Variants in ARSB observed in about 807,000 individuals in gnomAD.
The protein encoded by ARSB is N-acetylgalactosamine-4-sulfatase.
Under a neutral mutation model 50.9 loss-of-function variants are expected in ARSB, and 41 were observed. The ratio of observed to expected loss-of-function variants is 0.81; its 90% CI spans 0.63 to 1.04. The LOEUF is 1.04. Ranked by LOEUF, ARSB falls within the 50% of genes least tolerant of loss-of-function variation. ARSB has a pLI of 0.00. For missense variants in ARSB, 672 were observed against 693.3 expected (o/e 0.97, Z 0.35); for synonymous variants, 269 against 284.8 (o/e 0.94, Z 0.56).
chr5:78,851,663 T>TAA (rs1033015085), intron 5 of ARSB, among the ~76,000 whole-genome samples: 9 of 152,208 alleles, frequency 5.9e-5, no homozygotes, highest in African/African-American at 2.2e-4. Flanking sequence ...AGTGGGGTGT[T>TAA]AAAGTCTCCT....
chr5:78,869,742 C>T (rs1338180174), intron 5 of ARSB, among the ~76,000 whole-genome samples: 11 of 147,028 alleles, frequency 7.5e-5, no homozygotes, highest in East Asian at 4.0e-4. Flanking sequence ...CCTAACATCA[C>T]AATTAAAACA....
chr5:78,939,394 TA>T (rs1261266769), intron 4 of ARSB, among the ~76,000 whole-genome samples: 77 of 152,256 alleles, frequency 5.1e-4, no homozygotes, highest in African/African-American at 1.0e-3. Flanking sequence ...ACTCATCATT[TA>T]GCATTAGGTA....
At chr5:78,857,207 A>T (rs1237402826) in intron 5 of ARSB, among the ~76,000 whole-genome samples, 1 of 152,194 alleles carries the variant, frequency 6.6e-6, no homozygotes, top group African/African-American at 2.4e-5. Flanking sequence ...TTTATGAAAC[A>T]CACTGGGGTA....
chr5:78,942,026 C>A (rs972707659), intron 4 of ARSB, among the ~76,000 whole-genome samples: 2 of 152,018 alleles, frequency 1.3e-5, no homozygotes, highest in African/African-American at 4.8e-5. Context: ...TGTATGTATC[C>A]AGTAATTTAT....
chr5:78,917,962 A>G (rs1199352686), intron 4 of ARSB, among the ~76,000 whole-genome samples: 2 of 152,248 alleles, frequency 1.3e-5, no homozygotes, highest in African/African-American at 4.8e-5. Context: ...CAACTCAAAC[A>G]GTCACCACAC....
At chr5:78,937,904 A>T (rs888098793) in intron 4 of ARSB, among the ~76,000 whole-genome samples, 3 of 152,192 alleles carry the variant, frequency 2.0e-5, no homozygotes, top group African/African-American at 7.2e-5. Context: ...GGATGATTCC[A>T]TTTCCAGGGT....
chr5:78,955,521 C>G lies in ARSB; in HGVS notation c.691-19G>C. On this transcript the variant is annotated intron_variant, in intron 3 of 7. Coordinates refer to ENST00000264914, the MANE Select transcript of ARSB (RefSeq NM_000046.5). Reference sequence around the variant, plus strand: ...ACAGAGGCTGGAAAGAAAGTTTGTGCAAACCAGTTAAGAGGATATTGAAGC... The same window carrying G: ...ACAGAGGCTGGAAAGAAAGTTTGTGGAAACCAGTTAAGAGGATATTGAAGC... 6.2e-7 allele frequency: 1 copy of G among 1,603,588 alleles called. No homozygotes were observed. The highest frequency in any genetic ancestry group is 8.5e-7 in the Non-Finnish European group (1 of 1,170,834).
chr5:78,886,803 A>C (rs78282154), intron 4 of ARSB, among the ~76,000 whole-genome samples: 1 of 152,316 alleles, frequency 6.6e-6, no homozygotes, highest in African/African-American at 2.4e-5. Flanking sequence ...AATGAGCCAC[A>C]TGAGGGCAGT....
chr5:78,866,000 G>C (rs962043200), intron 5 of ARSB, among the ~76,000 whole-genome samples: 1 of 152,090 alleles, frequency 6.6e-6, no homozygotes, highest in African/African-American at 2.4e-5. Context: ...ACATTTTCCT[G>C]TCTTCTTCTG....
In ARSB at chr5:78,937,349, C is replaced by CATATATATGTAAG. The variant is rs1561512556; in HGVS notation, c.898+17933_898+17945dup. Reference sequence around the variant, plus strand: ...ATATATATATGTAAGATATATATATCATATATATGTAAGATATATATATGT... The same window carrying CATATATATGTAAG: ...ATATATATATGTAAGATATATATATCATATATATGTAAGATATATATGTAAGATATATATATGT... On this transcript the variant is annotated intron_variant, in intron 4 of 7. Coordinates refer to ENST00000264914, the MANE Select transcript of ARSB (RefSeq NM_000046.5). 1.1e-4 allele frequency among the ~76,000 whole-genome samples: 14 copies of CATATATATGTAAG among 125,222 alleles called. 1 individual carries two copies. The highest frequency in any genetic ancestry group is 1.0e-3 in the South Asian group (4 of 3,920). The allele number at this position is 125,222 out of a possible 152,430, so 82.2% of individuals were successfully genotyped here. A position where few individuals can be genotyped will look rare whatever the true frequency, so the allele number is the denominator to read the frequency against.
At chr5:78,984,483 C>G (rs516908) in intron 1 of ARSB, among the ~76,000 whole-genome samples, 51,165 of 152,068 alleles carry the variant, frequency 0.34, 10,191 homozygotes, top group Admixed American at 0.44. Context: ...TGGGACACTC[C>G]TAACCTATCA....
intron 5 of ARSB, among the ~76,000 whole-genome samples, chr5:78,843,805 T>C (rs929069479): frequency 4.6e-5 from 7 of 152,218 alleles, no homozygotes; most frequent in African/African-American, 1.7e-4. Flanking sequence ...AACCACACAA[T>C]ACTTGGCCTT....
At chr5:78,836,445 G>C (rs1404587847) in intron 6 of ARSB, among the ~76,000 whole-genome samples, 17 of 152,220 alleles carry the variant, frequency 1.1e-4, no homozygotes, top group Admixed American at 1.1e-3. Context: ...TCCAGAGAGG[G>C]AAGGAAGAGC....
intron 6 of ARSB, among the ~76,000 whole-genome samples, chr5:78,821,157 C>T (rs184307297): frequency 1.5e-3 from 229 of 152,172 alleles, no homozygotes; most frequent in African/African-American, 5.1e-3. Flanking sequence ...TTATCTGAGA[C>T]GGAGTTTTGC....
intron 1 of ARSB, among the ~76,000 whole-genome samples, chr5:78,973,218 T>A (rs991226856): frequency 2.6e-5 from 4 of 152,184 alleles, no homozygotes; most frequent in Non-Finnish European, 5.9e-5. Context: ...CTAACACCCA[T>A]CTGCAATGTC....
chr5:78,842,099 C>CCACACACA (rs56103705), intron 5 of ARSB, among the ~76,000 whole-genome samples: 18 of 149,702 alleles, frequency 1.2e-4, no homozygotes, highest in Admixed American at 4.7e-4. Context: ...CCCTCCACCA[C>CCACACACA]CACACACACA....
intron 1 of ARSB, among the ~76,000 whole-genome samples, chr5:78,977,837 A>T (rs1036079844): frequency 6.6e-6 from 1 of 152,210 alleles, no homozygotes; most frequent in African/African-American, 2.4e-5. Context: ...ACACACAATT[A>T]GGGCTAACAA....
chr5:78,806,852 G>A (rs979141071), intron 6 of ARSB, among the ~76,000 whole-genome samples: 3 of 152,264 alleles, frequency 2.0e-5, no homozygotes, highest in African/African-American at 4.8e-5. Context: ...TAGACAAGAC[G>A]GTTACCTCAA....
At chr5:78,972,214 C>T (rs960025564) in intron 1 of ARSB, among the ~76,000 whole-genome samples, 1 of 152,262 alleles carries the variant, frequency 6.6e-6, no homozygotes, top group Admixed American at 6.5e-5. Context: ...AGTCTCTCTA[C>T]CAAAGGTCAC....
Sources: allele counts gnomAD v4.1 joint callset (sites outside exome capture counted in the v4.1 genomes callset), GRCh38; gene constraint gnomAD v4.1.1; transcripts MANE v1.5; gene names NCBI Gene and HGNC (gene_info 2026-07-23, HGNC 2026-07-21).